Variants in TOX observed in about 807,000 individuals in gnomAD.
TOX encodes the protein thymocyte selection-associated high mobility group box protein TOX.
In TOX, 11 loss-of-function variants were observed where a neutral mutation model predicts 53.7. The observed-to-expected ratio is 0.20, with a 90% CI of 0.13 to 0.34. The LOEUF is 0.34. TOX is among the 10% of genes least tolerant of loss of function. The pLI is 1.00. For synonymous variants in TOX, 225 were observed against 245.3 expected (o/e 0.92, Z 0.77); for missense variants, 570 against 664.6 (o/e 0.86, Z 1.56).
rs76960353 is a variant in TOX at position 59,101,327 on chromosome 8, C to T, written c.102+17559G>A. ...CAGTTCCTGGCACAAAATAACCATT[C>T]GGAAAATATTTAATGAATAAATTAA... On this transcript the variant is annotated intron_variant, in intron 1 of 8. Transcript: ENST00000361421. Among the ~76,000 whole-genome samples, 431 of 152,184 alleles carry T rather than the reference C, an allele frequency of 2.8e-3. 2 individuals carry two copies. Among genetic ancestry groups the T allele is most frequent in the African/African-American group, 9.2e-3 (381 of 41,512 alleles).
chr8:58,842,044 G>T (rs1810653721), intron 4 of TOX, among the ~76,000 whole-genome samples: 1 of 152,096 alleles, frequency 6.6e-6, no homozygotes, highest in African/African-American at 2.4e-5. Flanking sequence ...CAATTTAAAT[G>T]CTCTTATTAA....
At chr8:59,114,932 T>C (rs1025702201) in intron 1 of TOX, among the ~76,000 whole-genome samples, 2 of 152,172 alleles carry the variant, frequency 1.3e-5, no homozygotes, top group Non-Finnish European at 2.9e-5. Flanking sequence ...ATGTCTAATG[T>C]TTGTCCTGAC....
intron 2 of TOX, among the ~76,000 whole-genome samples, chr8:58,949,437 C>T (rs975844338): frequency 5.9e-5 from 9 of 152,132 alleles, no homozygotes; most frequent in African/African-American, 1.4e-4. Context: ...CTTAGGATAA[C>T]ATTCTATAGT....
chr8:58,870,193 A>T (rs974471911), intron 3 of TOX, among the ~76,000 whole-genome samples: 2 of 152,200 alleles, frequency 1.3e-5, no homozygotes, highest in South Asian at 4.1e-4. Context: ...AATTAAAAAA[A>T]ATCTCCTGGA....
At chr8:58,843,874 CT>C (rs1810682294) in intron 4 of TOX, among the ~76,000 whole-genome samples, 1 of 152,158 alleles carries the variant, frequency 6.6e-6, no homozygotes, top group African/African-American at 2.4e-5. Flanking sequence ...TGTCCAAAGC[CT>C]CCTTGAAGAC....
chr8:58,827,238 C>T (rs1045387947), intron 5 of TOX, among the ~76,000 whole-genome samples: 6 of 152,088 alleles, frequency 3.9e-5, no homozygotes, highest in African/African-American at 1.2e-4. Context: ...TGTGAGTAAA[C>T]AAGGCATTCA....
chr8:58,938,366 T>C (rs1812381462), intron 3 of TOX, among the ~76,000 whole-genome samples: 2 of 152,206 alleles, frequency 1.3e-5, no homozygotes, highest in African/African-American at 2.4e-5. Flanking sequence ...TTCGATGACT[T>C]ATGAAAATGA....
chr8:59,081,161 G>T lies in TOX; in HGVS notation c.102+37725C>A, dbSNP rs1034429703. On this transcript the variant is annotated intron_variant, in intron 1 of 8. Coordinates refer to ENST00000361421, the MANE Select transcript of TOX (RefSeq NM_014729.3). ...CCTGCCTCAGCCTCCTGAGTAGCTG[G>T]GACTACAAGTGAGTACCACCACGCC... Among the ~76,000 whole-genome samples, 4 of 152,028 alleles carry T rather than the reference G, an allele frequency of 2.6e-5. No homozygotes were observed. The East Asian group carries it at 7.7e-4, about 29-fold the overall frequency.
At chr8:58,966,873 CTTT>C (rs550882424) in intron 1 of TOX, among the ~76,000 whole-genome samples, 9 of 123,662 alleles carry the variant, frequency 7.3e-5, no homozygotes, top group Admixed American at 1.6e-4. Flanking sequence ...TCAAGTTATT[CTTT>C]TTTTTTTTTT....
chr8:58,820,968 T>C (rs1810265054), intron 6 of TOX, among the ~76,000 whole-genome samples: 1 of 152,200 alleles, frequency 6.6e-6, no homozygotes, highest in African/African-American at 2.4e-5. Context: ...AAAAACTATA[T>C]TTCCTTAAGC....
chr8:58,962,404 A>G (rs564962707), intron 1 of TOX, among the ~76,000 whole-genome samples: 5 of 152,280 alleles, frequency 3.3e-5, no homozygotes, highest in Non-Finnish European at 7.4e-5. Context: ...AGAGTTAGGT[A>G]TTATTATTAC....
intron 1 of TOX, among the ~76,000 whole-genome samples, chr8:58,967,016 G>C (rs893248230): frequency 6.6e-6 from 1 of 151,622 alleles, no homozygotes; most frequent in Non-Finnish European, 1.5e-5. Context: ...CTGGGACTAC[G>C]GGCGCCCGCC....
chr8:58,998,523 A>AAATT (rs59892356), intron 1 of TOX, among the ~76,000 whole-genome samples: 2,710 of 44,218 alleles, frequency 0.061, 64 homozygotes, highest in South Asian at 0.1. Context: ...ATATATATAT[A>AAATT]TATATATATA....
Position 58,838,289 on chromosome 8 carries a change from G to T in TOX, c.716C>A (p.Pro239His). The change falls in exon 5 of 9, where the codon CCT becomes CAT. Residue 239 changes from proline to histidine, a missense_variant. Transcript: ENST00000361421. ...TSKINGGEKR[P>H]ASDMGKKPKT... ...TGGTTTTTTCCCCATATCAGAGGCAGGCCGCTTCTCTCCACCATTGATCTG... is the reference window on the plus strand; with the variant it reads ...TGGTTTTTTCCCCATATCAGAGGCATGCCGCTTCTCTCCACCATTGATCTG... The T allele has an allele frequency of 6.2e-7, 1 of 1,613,614 alleles. No homozygotes were observed. The highest frequency in any genetic ancestry group is 1.1e-5 in the South Asian group (1 of 91,054).
chr8:58,852,604 T>C (rs1810843516), intron 3 of TOX, among the ~76,000 whole-genome samples: 1 of 152,114 alleles, frequency 6.6e-6, no homozygotes, highest in Admixed American at 6.6e-5. Flanking sequence ...TATCTAGAGG[T>C]CAAATGTATT....
chr8:58,976,965 G>A (rs566878745), intron 1 of TOX, among the ~76,000 whole-genome samples: 30 of 152,364 alleles, frequency 2.0e-4, no homozygotes, highest in Non-Finnish European at 4.1e-4. Context: ...TAGATTTTCA[G>A]AATGGTAAAT....
intron 3 of TOX, among the ~76,000 whole-genome samples, chr8:58,889,255 A>G (rs1005463912): frequency 8.0e-5 from 12 of 150,262 alleles, no homozygotes; most frequent in Non-Finnish European, 1.5e-4. Context: ...AAAACAAAAT[A>G]CCCTTAAACA....
In TOX at chr8:58,980,796, T is replaced by C. The variant is rs1205953753; in HGVS notation, c.103-20788A>G. 1.3e-5 allele frequency among the ~76,000 whole-genome samples: 2 copies of C among 152,220 alleles called. 1 individual carries two copies. Among genetic ancestry groups the C allele is most frequent in the Non-Finnish European group, 2.9e-5 (2 of 68,042 alleles). On this transcript the variant is annotated intron_variant, in intron 1 of 8. Coordinates refer to ENST00000361421, the MANE Select transcript of TOX (RefSeq NM_014729.3). ...AAAACTTAAACCTTTTTTGAAGGTG[T>C]TTCCACCTTTCCAGTGTAGATAATC...
At chr8:59,081,349 G>A (rs1210950589) in intron 1 of TOX, among the ~76,000 whole-genome samples, 2 of 152,102 alleles carry the variant, frequency 1.3e-5, no homozygotes, top group Non-Finnish European at 2.9e-5. Context: ...AAAATGAGAG[G>A]AATTTGATTC....
Sources: gnomAD v4.1 joint callset for allele counts (sites outside exome capture counted in the v4.1 genomes callset) on GRCh38, gnomAD v4.1.1 for gene constraint, MANE v1.5 for transcripts, NCBI Gene and HGNC (gene_info 2026-07-23, HGNC 2026-07-21) for gene names.